PRDM6: variants seen among roughly 807,000 people sequenced by gnomAD.
PRDM6 encodes PR/SET domain 6.
A neutral mutation model predicts 60.8 loss-of-function variants in PRDM6; 25 were observed. The observed-to-expected ratio is 0.41, with a 90% CI of 0.30 to 0.57. The LOEUF is 0.57. Among genes scored for constraint, PRDM6 ranks in the 20% least tolerant of loss-of-function variants. The pLI is 0.27. For missense variants in PRDM6, 839 were observed against 821.3 expected (o/e 1.02, Z -0.26); for synonymous variants, 407 against 357.4 (o/e 1.14, Z -1.57).
rs1174704743 is a variant in PRDM6, at chr5:123,180,130, C to A, written c.1497-17C>A. 6.6e-7 allele frequency: 1 copy of A among 1,519,988 alleles called. No homozygotes were observed. The highest frequency in any genetic ancestry group is 8.9e-7 in the Non-Finnish European group (1 of 1,126,640). The allele number at this position is 1,519,988 out of a possible 1,614,324, so 94.2% of individuals were successfully genotyped here. A position where few individuals can be genotyped will look rare whatever the true frequency, so the allele number is the denominator to read the frequency against. On this transcript the variant is annotated splice_polypyrimidine_tract_variant and intron_variant, in intron 6 of 7. Coordinates refer to ENST00000407847, the MANE Select transcript of PRDM6 (RefSeq NM_001136239.4). ...ACGCAGAAAACAATGACCAGACAGT[C>A]TGTTTATTTGTTTCAGACCCTACCA...
chr5:123,146,138 G>T (rs962627987), intron 3 of PRDM6, among the ~76,000 whole-genome samples: 11 of 152,144 alleles, frequency 7.2e-5, no homozygotes, highest in African/African-American at 2.7e-4. Context: ...CTAGGCTTTG[G>T]TCCAAGCTGC....
chr5:123,109,633 TG>T (rs1272668896), intron 3 of PRDM6, among the ~76,000 whole-genome samples: 1 of 152,172 alleles, frequency 6.6e-6, no homozygotes, highest in African/African-American at 2.4e-5. Flanking sequence ...CCATGCAACA[TG>T]GATGTTAAAA....
intron 3 of PRDM6, among the ~76,000 whole-genome samples, chr5:123,151,248 G>A (rs188827201): frequency 2.0e-4 from 30 of 152,278 alleles, no homozygotes; most frequent in Admixed American, 7.8e-4. Context: ...GGGAGAGGGC[G>A]TCTGAAATGT....
chr5:123,145,718 A>G (rs1161719388), intron 3 of PRDM6, among the ~76,000 whole-genome samples: 2 of 136,918 alleles, frequency 1.5e-5, no homozygotes, highest in Non-Finnish European at 3.2e-5. Context: ...TGTCTTCTCA[A>G]TTATTTAAGA....
In PRDM6 at chr5:123,097,593, G is replaced by T. The variant is rs1013743892; in HGVS notation, c.593-2061G>T. ...GGTATGCACTGTAATTGTGTTTATT[G>T]TCTTTCATGTAATTCCCAAAATGTC... On this transcript the variant is annotated intron_variant, in intron 2 of 7. Transcript: ENST00000407847. Among the ~76,000 whole-genome samples, 3 of 152,286 alleles carry T rather than the reference G, an allele frequency of 2.0e-5. 1 individual carries two copies. The South Asian group carries it at 6.2e-4, about 32-fold the overall frequency.
rs1201217613 is a variant in PRDM6, at chr5:123,194,184, GAA to G, written c.*6988_*6989del. 6.6e-6 allele frequency: 1 copy of G among 152,062 alleles called. No homozygotes were observed. Among genetic ancestry groups the G allele is most frequent in the African/African-American group, 2.4e-5 (1 of 41,412 alleles). The allele number at this position is 152,062 out of a possible 1,614,324, so 9.4% of individuals were successfully genotyped here. A position where few individuals can be genotyped will look rare whatever the true frequency, so the allele number is the denominator to read the frequency against. ...TACCAGGATTAAGTTGTATTTAAAT[GAA>G]AAAACAGGTACACATTTAGAGATCA... On this transcript the variant is annotated 3_prime_UTR_variant, in exon 8 of 8. Coordinates refer to ENST00000407847, the MANE Select transcript of PRDM6 (RefSeq NM_001136239.4).
At chr5:123,118,732 G>A (rs1764512865) in intron 3 of PRDM6, among the ~76,000 whole-genome samples, 2 of 152,338 alleles carry the variant, frequency 1.3e-5, no homozygotes, top group African/African-American at 4.8e-5. Context: ...ACAAGAAGTA[G>A]AGAGCAAACA....
At chr5:123,178,071 A>C (rs1237502431) in intron 6 of PRDM6, among the ~76,000 whole-genome samples, 1 of 152,106 alleles carries the variant, frequency 6.6e-6, no homozygotes, top group African/African-American at 2.4e-5. Context: ...AATTCAACAT[A>C]AGCCTCTCTG....
At position 123,090,605 on chromosome 5, in the gene PRDM6, C is replaced by A. The variant is rs1217535752; in HGVS notation, c.591C>A (p.Asn197Lys). ...ACCAGCACACCAGCGACCCCAACAA[C>A]CGTACGTAGCCGCAGCCCGCGCGCT... is the stretch of plus-strand genomic sequence containing the variant. ...PLNQHTSDPN[N>K]RCDMCADNRN... Residue 197 changes from asparagine to lysine, a missense_variant and splice_region_variant, in exon 2 of 8, where the codon AAC (asparagine) becomes AAA (lysine). By Grantham distance (94) the Asn-to-Lys change is moderately conservative (BLOSUM62 0). Around this residue, in one of 2 missense-constraint regions of PRDM6, gnomAD observed 730 missense variants for 648.8 expected, o/e 1.13. Coordinates refer to ENST00000407847, the MANE Select transcript of PRDM6 (RefSeq NM_001136239.4). 2 of 1,520,078 alleles carry A rather than the reference C, an allele frequency of 1.3e-6. No homozygotes were observed. Among genetic ancestry groups the A allele is most frequent in the Non-Finnish European group, 1.8e-6 (2 of 1,141,502 alleles). 94.2% of individuals were successfully genotyped at this position (1,520,078 alleles called of 1,614,324 possible).
At chr5:123,125,145 AC>A (rs11300497) in intron 3 of PRDM6, among the ~76,000 whole-genome samples, 124,417 of 138,180 alleles carry the variant, frequency 0.9, 55,774 homozygotes, top group East Asian at 0.99. Context: ...TACATACCGC[AC>A]CCCCTCCCCC....
chr5:123,093,658 A>G (rs1763893104), intron 2 of PRDM6, among the ~76,000 whole-genome samples: 2 of 152,048 alleles, frequency 1.3e-5, no homozygotes, highest in Non-Finnish European at 2.9e-5. Context: ...TTCCCCGTCT[A>G]ATATTACTGC....
Position 123,122,812 on chromosome 5 carries a change from C to A in PRDM6, c.900+22851C>A, listed in dbSNP as rs144203229. ...TTTAAAAAAAAAGTTTAAAATCCGACTACAAGAATTTTGGTAATGTTTAAA... is the reference window on the plus strand; with the variant it reads ...TTTAAAAAAAAAGTTTAAAATCCGAATACAAGAATTTTGGTAATGTTTAAA... On this transcript the variant is annotated intron_variant, in intron 3 of 7. Coordinates refer to ENST00000407847, the MANE Select transcript of PRDM6 (RefSeq NM_001136239.4). Among the ~76,000 whole-genome samples the A allele has an allele frequency of 8.5e-5, 13 of 152,156 alleles. No individual in the cohort carries two copies. In the East Asian group the frequency reaches 2.3e-3, roughly 27 times the overall value.
intron 3 of PRDM6, among the ~76,000 whole-genome samples, chr5:123,139,812 A>G (rs1362329993): frequency 6.6e-6 from 1 of 152,128 alleles, no homozygotes; most frequent in African/African-American, 2.4e-5. Context: ...AGATTCTGGA[A>G]TCAAGATGTG....
In PRDM6 at chr5:123,172,062, G is replaced by C. The variant is rs540180921; in HGVS notation, c.1496+954G>C. 1.2e-4 allele frequency among the ~76,000 whole-genome samples: 18 copies of C among 152,244 alleles called. 2 individuals carry two copies. In the South Asian group the frequency reaches 3.7e-3, roughly 32 times the overall value. On this transcript the variant is annotated intron_variant, in intron 6 of 7. Transcript: ENST00000407847. ...TGAAGCTGGGGTAGGAGACTTGGAA[G>C]CAGGGCTCTTGGGTTATTTTCTTAA...
intron 3 of PRDM6, among the ~76,000 whole-genome samples, chr5:123,127,702 CTTTCTTTCTCTT>C: frequency 6.9e-6 from 1 of 144,954 alleles, no homozygotes; most frequent in Non-Finnish European, 1.5e-5. Context: ...CTTTCTCTTT[CTTTCTTTCTCTT>C]TCTTTCTTTC....
intron 3 of PRDM6, among the ~76,000 whole-genome samples, chr5:123,117,449 C>T (rs1053804690): frequency 3.3e-5 from 5 of 152,042 alleles, no homozygotes; most frequent in Non-Finnish European, 5.9e-5. Flanking sequence ...GCTTCTACTT[C>T]CGAAAACTCT....
intron 3 of PRDM6, among the ~76,000 whole-genome samples, chr5:123,141,864 T>C (rs970708034): frequency 6.6e-6 from 1 of 152,186 alleles, no homozygotes; most frequent in Admixed American, 6.5e-5. Context: ...AACTCTGTAA[T>C]ATGTCATCTT....
chr5:123,104,114 T>G (rs1406951564), intron 3 of PRDM6, among the ~76,000 whole-genome samples: 1 of 152,118 alleles, frequency 6.6e-6, no homozygotes, highest in East Asian at 1.9e-4. Flanking sequence ...GCCATAATAT[T>G]TTAGATTTAA....
intron 7 of PRDM6, among the ~76,000 whole-genome samples, chr5:123,184,408 A>T (rs1766235363): frequency 1.3e-5 from 2 of 152,108 alleles, no homozygotes; most frequent in Admixed American, 6.5e-5. Flanking sequence ...TAGACTTTCC[A>T]CTTCATTGTT....
Sources: allele counts gnomAD v4.1 joint callset (sites outside exome capture counted in the v4.1 genomes callset), GRCh38; gene constraint gnomAD v4.1.1; regional missense constraint gnomAD v4.1.1; transcripts MANE v1.5; gene names NCBI Gene and HGNC (gene_info 2026-07-23, HGNC 2026-07-21).